MYO1D: variants seen among roughly 807,000 people sequenced by gnomAD.
The protein encoded by MYO1D is unconventional myosin-Id.
Under a neutral mutation model 122.0 loss-of-function variants are expected in MYO1D, and 83 were observed. The ratio of observed to expected loss-of-function variants is 0.68; its 90% CI spans 0.57 to 0.82. MYO1D has a LOEUF of 0.82. Among genes scored for constraint, MYO1D ranks in the 40% least tolerant of loss-of-function variants. MYO1D has a pLI of 0.00. For missense variants in MYO1D, 1,157 were observed against 1,269.5 expected (o/e 0.91, Z 1.35); for synonymous variants, 464 against 446.9 (o/e 1.04, Z -0.48).
rs559853730 is a variant in MYO1D at position 32,561,560 on chromosome 17, C to T, written c.2864+43527G>A. Among the ~76,000 whole-genome samples, 12 of 151,364 alleles carry T rather than the reference C, an allele frequency of 7.9e-5. No individual in the cohort carries two copies. In the South Asian group the frequency reaches 1.3e-3, roughly 16 times the overall value. On this transcript the variant is annotated intron_variant, in intron 21 of 21. Coordinates refer to ENST00000318217, the MANE Select transcript of MYO1D (RefSeq NM_015194.3). ...AAAAAATTAGCTGGGCGTGGTGGTGCGTGCCTGTAGTCCCAGCTACTTGGG... is the reference window on the plus strand; with the variant it reads ...AAAAAATTAGCTGGGCGTGGTGGTGTGTGCCTGTAGTCCCAGCTACTTGGG...
At chr17:32,844,419 A>G (rs983505925) in intron 1 of MYO1D, among the ~76,000 whole-genome samples, 1 of 147,224 alleles carries the variant, frequency 6.8e-6, no homozygotes, top group African/African-American at 2.5e-5. Flanking sequence ...ATGTGTATAT[A>G]TACTATATAT....
At chr17:32,803,691 A>AAAT (rs2090480599) in intron 1 of MYO1D, among the ~76,000 whole-genome samples, 1 of 152,200 alleles carries the variant, frequency 6.6e-6, no homozygotes, top group Admixed American at 6.5e-5. Context: ...AACAATGAAA[A>AAAT]AATAATGACC....
intron 21 of MYO1D, among the ~76,000 whole-genome samples, chr17:32,536,225 G>A (rs919892037): frequency 1.5e-4 from 23 of 152,066 alleles, no homozygotes; most frequent in Admixed American, 1.4e-3. Flanking sequence ...AGTAGAGACA[G>A]GGTTTCACCA....
intron 21 of MYO1D, among the ~76,000 whole-genome samples, chr17:32,505,950 C>T (rs112800101): frequency 0.023 from 3,555 of 152,252 alleles, 144 homozygotes; most frequent in African/African-American, 0.08. Context: ...TGGACGAGGT[C>T]GCTCACGCCT....
At chr17:32,514,833 C>G (rs1339237205) in intron 21 of MYO1D, among the ~76,000 whole-genome samples, 1 of 152,174 alleles carries the variant, frequency 6.6e-6, no homozygotes, top group African/African-American at 2.4e-5. Context: ...TTCCAGGTTC[C>G]CTGTATTTCT....
At position 32,501,338 on chromosome 17, in the gene MYO1D, A is replaced by C. The variant is rs148623999; in HGVS notation, c.2865-6423T>G. Among the ~76,000 whole-genome samples, 19 of 152,282 alleles carry C rather than the reference A, an allele frequency of 1.2e-4. No homozygotes were observed. In the East Asian group the frequency reaches 3.7e-3, roughly 29 times the overall value. On this transcript the variant is annotated intron_variant, in intron 21 of 21. Transcript: ENST00000318217. ...GCCTCAGAAGCAGCCCTCAGGAAAC[A>C]AAATCTCTCTCGCTGACTTTCTCCT... is the stretch of plus-strand genomic sequence containing the variant.
chr17:32,626,162 T>C (rs940168827), intron 20 of MYO1D, among the ~76,000 whole-genome samples: 1 of 152,224 alleles, frequency 6.6e-6, no homozygotes, highest in Non-Finnish European at 1.5e-5. Context: ...GGCTACGTGA[T>C]GTATGCTCGC....
chr17:32,864,423 T>C (rs762830569), intron 1 of MYO1D, among the ~76,000 whole-genome samples: 4 of 151,984 alleles, frequency 2.6e-5, no homozygotes, highest in Non-Finnish European at 5.9e-5. Context: ...AGTTTGGTAG[T>C]ATGGTAAAAT....
intron 20 of MYO1D, among the ~76,000 whole-genome samples, chr17:32,628,513 G>A (rs2150931431): frequency 6.6e-6 from 1 of 152,244 alleles, no homozygotes; most frequent in African/African-American, 2.4e-5. Context: ...GGAAGAGGGG[G>A]AAAAAGTGCC....
At chr17:32,641,813 T>C (rs2088205123) in intron 19 of MYO1D, among the ~76,000 whole-genome samples, 1 of 152,212 alleles carries the variant, frequency 6.6e-6, no homozygotes, top group Non-Finnish European at 1.5e-5. Flanking sequence ...TTGAGTTCTT[T>C]GTAGATTCTG....
At chr17:32,770,800 G>A (rs1021382648) in intron 6 of MYO1D, among the ~76,000 whole-genome samples, 1 of 152,092 alleles carries the variant, frequency 6.6e-6, no homozygotes, top group African/African-American at 2.4e-5. Context: ...CTTCTTAGGA[G>A]GTAGGCTTCC....
At chr17:32,688,197 G>A (rs190969367) in intron 16 of MYO1D, among the ~76,000 whole-genome samples, 6 of 152,132 alleles carry the variant, frequency 3.9e-5, no homozygotes, top group Non-Finnish European at 5.9e-5. Flanking sequence ...AAGAAAGCAC[G>A]TATAAATTCC....
At chr17:32,802,754 TAC>T (rs765930073) in intron 1 of MYO1D, among the ~76,000 whole-genome samples, 5 of 152,214 alleles carry the variant, frequency 3.3e-5, no homozygotes, top group Non-Finnish European at 7.3e-5. Context: ...TATATATACA[TAC>T]AGATAAATTT....
intron 7 of MYO1D, among the ~76,000 whole-genome samples, chr17:32,766,162 C>T (rs1009782782): frequency 1.3e-5 from 2 of 152,118 alleles, no homozygotes; most frequent in African/African-American, 4.8e-5. Flanking sequence ...GCTGGGATTA[C>T]AGGTGTGAGC....
chr17:32,739,308 C>T (rs886936181), intron 13 of MYO1D, among the ~76,000 whole-genome samples: 1 of 151,748 alleles, frequency 6.6e-6, no homozygotes, highest in Non-Finnish European at 1.5e-5. Context: ...GAATACTATG[C>T]AGCCATAAAA....
chr17:32,606,342 A>G (rs117221076), intron 20 of MYO1D, among the ~76,000 whole-genome samples: 2,399 of 152,320 alleles, frequency 0.016, 37 homozygotes, highest in South Asian at 0.026. Context: ...ACACTTCCTA[A>G]CTCACTTTGA....
At chr17:32,744,409 A>G (rs1668533301) in intron 13 of MYO1D, among the ~76,000 whole-genome samples, 1 of 152,186 alleles carries the variant, frequency 6.6e-6, no homozygotes. Flanking sequence ...CACTTGTCAC[A>G]AACTGAAAGT....
At chr17:32,732,506 T>C (rs1399461870) in intron 14 of MYO1D, among the ~76,000 whole-genome samples, 1 of 152,160 alleles carries the variant, frequency 6.6e-6, no homozygotes, top group East Asian at 1.9e-4. Flanking sequence ...TGGGACGACC[T>C]GCCTGCAGAG....
chr17:32,720,123 A>C (rs1362430340), intron 15 of MYO1D, among the ~76,000 whole-genome samples: 2 of 152,082 alleles, frequency 1.3e-5, no homozygotes, highest in Non-Finnish European at 2.9e-5. Flanking sequence ...TTGGGGGGAA[A>C]ACTATAGTCG....
Sources: allele counts gnomAD v4.1 joint callset (sites outside exome capture counted in the v4.1 genomes callset), GRCh38; gene constraint gnomAD v4.1.1; transcripts MANE v1.5; gene names NCBI Gene and HGNC (gene_info 2026-07-23, HGNC 2026-07-21).